Variants in ARHGAP11A observed in about 807,000 individuals in gnomAD.
ARHGAP11A encodes the protein rho GTPase-activating protein 11A.
A neutral mutation model predicts 60.5 loss-of-function variants in ARHGAP11A; 36 were observed. The observed-to-expected ratio is 0.59, with a 90% CI of 0.46 to 0.79. The LOEUF is 0.79. Ranked by LOEUF, ARHGAP11A falls within the 30% of genes least tolerant of loss-of-function variation. ARHGAP11A has a pLI of 0.00. For synonymous variants in ARHGAP11A, 362 were observed against 415.5 expected, an observed-to-expected ratio of 0.87 and a Z score of 1.57; for missense variants, 1,071 against 1,199.2, an observed-to-expected ratio of 0.89 and a Z score of 1.58.
chr15:32,620,735 T>A lies in ARHGAP11A; in HGVS notation c.200+557T>A, dbSNP rs185494167. ...ACTCAGATTAAGTAATATACTGACT[T>A]ACCAATTCAGTAATAATTTTGACTT... On this transcript the variant is annotated intron_variant, in intron 2 of 11. Coordinates refer to ENST00000361627, the MANE Select transcript of ARHGAP11A (RefSeq NM_014783.6). 7.2e-4 allele frequency among the ~76,000 whole-genome samples: 109 copies of A among 152,250 alleles called. 1 individual carries two copies. Among genetic ancestry groups the A allele is most frequent in the African/African-American group, 2.5e-3 (105 of 41,544 alleles).
At chr15:32,625,431 T>C (rs2053434756) in intron 5 of ARHGAP11A, 56 bp from the exon 6 acceptor site, 1 of 1,566,690 alleles carries the variant, frequency 6.4e-7, no homozygotes. Context: ...TAAACATTTT[T>C]GGGGAAGAGT....
intron 9 of ARHGAP11A, 133 bp from the exon 10 acceptor site, chr15:32,633,799 GT>G: frequency 1.7e-6 from 1 of 604,134 alleles, no homozygotes; most frequent in Non-Finnish European, 2.9e-6. Flanking sequence ...AAGTTGAACT[GT>G]TTTTAAAGAA....
chr15:32,635,003 T>A (rs2053672951), intron 10 of ARHGAP11A, among the ~76,000 whole-genome samples: 1 of 152,226 alleles, frequency 6.6e-6, no homozygotes, highest in African/African-American at 2.4e-5. Context: ...GAAATTTATC[T>A]TTTAAAATCT....
In ARHGAP11A at chr15:32,636,745, T is replaced by A. The variant is rs764447695; in HGVS notation, c.1972T>A (p.Tyr658Asn). ...DLTIVESKEK[Y>N]EHHTGKGEKC... ...GACTATAGTAGAATCAAAGGAGAAA[T>A]ATGAACACCACACTGGTAAAGGTGA... Residue 658 changes from tyrosine to asparagine, a missense_variant, in exon 12 of 12, where the codon TAT (tyrosine) becomes AAT (asparagine). Coordinates refer to ENST00000361627, the MANE Select transcript of ARHGAP11A (RefSeq NM_014783.6). 6.2e-7 allele frequency: 1 copy of A among 1,613,634 alleles called. No homozygotes were observed. Among genetic ancestry groups the A allele is most frequent in the South Asian group, 1.1e-5 (1 of 90,944 alleles).
intron 2 of ARHGAP11A, among the ~76,000 whole-genome samples, chr15:32,620,759 T>G (rs2053275391): frequency 6.6e-6 from 1 of 151,934 alleles, no homozygotes; most frequent in African/African-American, 2.4e-5. Context: ...TAATTTTGAC[T>G]TTTTTTTGTT....
Position 32,639,749 on chromosome 15 carries a change from G to A in ARHGAP11A, c.*1904G>A, listed in dbSNP as rs565115405. On this transcript the variant is annotated 3_prime_UTR_variant, in exon 12 of 12. Transcript: ENST00000361627. ...GTGAAGGTGACTAGCTTGAAGGTAG[G>A]GTAACTAGAGAGCCAGAAAAGTTTT... 4.8e-4 allele frequency: 73 copies of A among 152,236 alleles called. No homozygotes were observed. The highest frequency in any genetic ancestry group is 1.7e-3 in the African/African-American group (71 of 41,536). 9.4% of individuals were successfully genotyped at this position (152,236 alleles called of 1,614,324 possible).
rs541100071 is a variant in ARHGAP11A, at chr15:32,628,071, A to G, written c.863-657A>G. On this transcript the variant is annotated intron_variant, in intron 6 of 11. Transcript: ENST00000361627. ...GTAATCTGCTTGCCTTGGCCTCCCA[A>G]AATGCTAGGATTACAGGTGTGAGCC... is the stretch of plus-strand genomic sequence containing the variant. Among the ~76,000 whole-genome samples the G allele has an allele frequency of 2.0e-4, 30 of 152,308 alleles. No individual in the cohort carries two copies. In the East Asian group the frequency reaches 5.8e-3, roughly 29 times the overall value.
At chr15:32,629,787 G>A (rs2053548746) in intron 8 of ARHGAP11A, 25 bp downstream of exon 8, 4 of 1,554,414 alleles carry the variant, frequency 2.6e-6, no homozygotes, top group African/African-American at 2.8e-5. Context: ...TTATATAAAT[G>A]GATTGTAAAG....
In ARHGAP11A at chr15:32,616,336, T is replaced by C. The variant is rs775625870; in HGVS notation, c.125T>C (p.Ile42Thr). The part of the protein sequence containing the change: ...RRRHETAATE[I>T]GGKIFGVPFN... ...AGACATGAAACAGCAGCCACGGAAATAGGGGTAAGTTCTGTGAAAAGGGAT... is the reference window on the plus strand; with the variant it reads ...AGACATGAAACAGCAGCCACGGAAACAGGGGTAAGTTCTGTGAAAAGGGAT... The change falls in exon 1 of 12, where the codon ATA becomes ACA. Residue 42 changes from isoleucine (I) to threonine (T), a missense_variant. Ile to Thr is a moderately conservative substitution (Grantham distance 89). This residue lies in a region of ARHGAP11A where 71 missense variants were observed against 142.4 expected (regional missense o/e 0.50). Coordinates refer to ENST00000361627, the MANE Select transcript of ARHGAP11A (RefSeq NM_014783.6). The C allele has an allele frequency of 1.2e-6, 2 of 1,613,842 alleles. No individual in the cohort carries two copies. Among genetic ancestry groups the C allele is most frequent in the Non-Finnish European group, 1.7e-6 (2 of 1,179,934 alleles).
chr15:32,637,502 A>C lies in ARHGAP11A; in HGVS notation c.2729A>C (p.Glu910Ala). Residue 910 changes from glutamate (E) to alanine (A), a missense_variant, in exon 12 of 12, where the codon GAG (glutamate) becomes GCG (alanine). Transcript: ENST00000361627. ...PKEQKSMSCE[E>A]SNIGAISKSS... ...GAACAGAAGTCCATGTCATGTGAAG[A>C]GTCAAATATTGGTGCAATTTCAAAG... 6.2e-7 allele frequency: 1 copy of C among 1,613,944 alleles called. No individual in the cohort carries two copies. Among genetic ancestry groups the C allele is most frequent in the Non-Finnish European group, 8.5e-7 (1 of 1,180,018 alleles).
At chr15:32,617,522 A>C (rs1595756484) in intron 1 of ARHGAP11A, among the ~76,000 whole-genome samples, 2 of 123,064 alleles carry the variant, frequency 1.6e-5, no homozygotes, top group African/African-American at 6.5e-5. Flanking sequence ...CCCAGGCTGG[A>C]GTGCAGTGGC....
intron 6 of ARHGAP11A, among the ~76,000 whole-genome samples, chr15:32,625,960 T>C (rs908348713): frequency 4.6e-5 from 7 of 151,994 alleles, no homozygotes; most frequent in African/African-American, 1.7e-4. Context: ...AATACTTGTA[T>C]CCTATTCTAG....
chr15:32,638,000 T>C lies in ARHGAP11A; in HGVS notation c.*155T>C, dbSNP rs2053765593. 7 of 657,824 alleles carry C rather than the reference T, an allele frequency of 1.1e-5. No homozygotes were observed. In the Admixed American group the frequency reaches 2.5e-4, roughly 23 times the overall value. The allele number at this position is 657,824 out of a possible 1,614,324, so 40.7% of individuals were successfully genotyped here. ...TCATTTTTTTCACTGTACAAGCAAC[T>C]TAGATTTTTATTTGTACAAATTACT... On this transcript the variant is annotated 3_prime_UTR_variant, in exon 12 of 12. Transcript: ENST00000361627.
rs746846509 is a variant in ARHGAP11A at position 32,625,239 on chromosome 15, T to C, written c.711T>C (p.Asp237=). The C allele has an allele frequency of 6.2e-7, 1 of 1,604,438 alleles. No homozygotes were observed. The highest frequency in any genetic ancestry group is 8.5e-7 in the Non-Finnish European group (1 of 1,175,682). Residue 237 remains aspartate, a synonymous_variant, in exon 5 of 12, where the codon GAT becomes GAC. Transcript: ENST00000361627. Reference sequence around the variant, plus strand: ...AGACTCTTATCGATTATGCATCAGATATTGGTAAGATGTAGTTGCATTATT... The same window carrying C: ...AGACTCTTATCGATTATGCATCAGACATTGGTAAGATGTAGTTGCATTATT... ...VVQTLIDYAS[D]IGRVPDFILE...
chr15:32,624,089 G>A (rs1567051879), intron 3 of ARHGAP11A, 84 bp from the exon 4 acceptor site: 22 of 1,554,398 alleles, frequency 1.4e-5, no homozygotes, highest in Non-Finnish European at 1.6e-5. Flanking sequence ...AAAGAAAAGT[G>A]TAATTAGAGT....
At chr15:32,632,720 CAG>C (rs200916295) in intron 8 of ARHGAP11A, 3,057 of 266,410 alleles carry the variant, frequency 0.011, 104 homozygotes, top group African/African-American at 0.063. Context: ...GTATTATTAA[CAG>C]AGTTTAAAGA....
Position 32,624,975 on chromosome 15 carries a change from G to T in ARHGAP11A, c.552-105G>T, listed in dbSNP as rs564844276. 2.4e-6 allele frequency: 3 copies of T among 1,272,286 alleles called. No individual in the cohort carries two copies. The South Asian group carries it at 4.1e-5, about 17-fold the overall frequency. The allele number at this position is 1,272,286 out of a possible 1,614,324, so 78.8% of individuals were successfully genotyped here. A position where few individuals can be genotyped will look rare whatever the true frequency, so the allele number is the denominator to read the frequency against. On this transcript the variant is annotated intron_variant, in intron 4 of 11. Coordinates refer to ENST00000361627, the MANE Select transcript of ARHGAP11A (RefSeq NM_014783.6). ...AGATGAAGGGTAACTATTTTGACTT[G>T]TGTATGACTGATAATAAGGTCTTCA...
chr15:32,632,024 A>AT (rs2053599051), intron 8 of ARHGAP11A, among the ~76,000 whole-genome samples: 1 of 152,182 alleles, frequency 6.6e-6, no homozygotes, highest in African/African-American at 2.4e-5. Context: ...AAAGCTACTT[A>AT]TGTCACTTTA....
chr15:32,617,554 C>T (rs2053186887), intron 1 of ARHGAP11A, among the ~76,000 whole-genome samples: 1 of 144,364 alleles, frequency 6.9e-6, no homozygotes, highest in Non-Finnish European at 1.5e-5. Flanking sequence ...TCACTGCAAG[C>T]TCTGCCTCCC....
Sources: gnomAD v4.1 joint callset for allele counts (sites outside exome capture counted in the v4.1 genomes callset) on GRCh38, gnomAD v4.1.1 for gene constraint, gnomAD v4.1.1 regional missense constraint, MANE v1.5 for transcripts, NCBI Gene and HGNC (gene_info 2026-07-23, HGNC 2026-07-21) for gene names.